The following L3MBTL4 variants were observed in gnomAD, a reference collection of about 807,000 sequenced individuals.
L3MBTL4 encodes L3MBTL histone methyl-lysine binding protein 4.
L3MBTL4 carries 70 observed loss-of-function variants against 84.5 expected under a neutral mutation model. The observed-to-expected ratio is 0.83, with a 90% confidence interval of 0.68 to 1.01. The LOEUF (loss-of-function observed/expected upper bound fraction) is 1.01. Ranked by LOEUF, L3MBTL4 falls within the 50% of genes least tolerant of loss-of-function variation. L3MBTL4 has a pLI of 0.00. For synonymous variants in L3MBTL4, 274 were observed against 259.8 expected (o/e 1.05, Z -0.52); for missense variants, 715 against 754.8 (o/e 0.95, Z 0.62).
At chr18:5,974,971 GTTTT>G (rs750189384) in intron 16 of L3MBTL4, among the ~76,000 whole-genome samples, 5 of 142,224 alleles carry the variant, frequency 3.5e-5, no homozygotes, top group African/African-American at 1.3e-4. Flanking sequence ...CTATTGTTTT[GTTTT>G]TTTTTTTTAA....
intron 16 of L3MBTL4, among the ~76,000 whole-genome samples, chr18:5,989,050 G>C (rs2053577911): frequency 6.6e-6 from 1 of 152,190 alleles, no homozygotes; most frequent in Non-Finnish European, 1.5e-5. Flanking sequence ...TATGAGGCCA[G>C]TATGGAGACA....
At chr18:6,151,691 A>G (rs1308822633) in intron 13 of L3MBTL4, among the ~76,000 whole-genome samples, 1 of 152,142 alleles carries the variant, frequency 6.6e-6, no homozygotes, top group African/African-American at 2.4e-5. Context: ...CACCGTGCCC[A>G]GACTAATTTT....
intron 10 of L3MBTL4, among the ~76,000 whole-genome samples, chr18:6,235,477 C>A (rs1001621457): frequency 1.3e-5 from 2 of 152,024 alleles, no homozygotes; most frequent in African/African-American, 4.8e-5. Flanking sequence ...TATGTACATA[C>A]AATGGAATGT....
chr18:6,131,172 T>C (rs1196521202), intron 14 of L3MBTL4, among the ~76,000 whole-genome samples: 2 of 152,172 alleles, frequency 1.3e-5, no homozygotes, highest in Non-Finnish European at 2.9e-5. Flanking sequence ...GGCTTCAATA[T>C]CAGAATCAGA....
chr18:6,142,973 T>C (rs1004796040), intron 13 of L3MBTL4, among the ~76,000 whole-genome samples: 6 of 152,074 alleles, frequency 3.9e-5, no homozygotes, highest in Non-Finnish European at 8.8e-5. Flanking sequence ...AAGAAACATA[T>C]AGTATATAAA....
At position 6,259,072 on chromosome 18, in the gene L3MBTL4, G is replaced by A. The variant is rs138977726; in HGVS notation, c.219+4875C>T. ...GGGGCACCCAGGAGGCAGAGTGCCC[G>A]GGGGGAAGCAGGTGTGCACCTGGCC... On this transcript the variant is annotated intron_variant, in intron 5 of 18. Transcript: ENST00000317931. 6.8e-3 allele frequency: 1,034 copies of A among 152,342 alleles called. 8 individuals carry two copies. Among genetic ancestry groups the A allele is most frequent in the Non-Finnish European group, 8.9e-3 (605 of 68,104 alleles). 9.4% of individuals were successfully genotyped at this position (152,342 alleles called of 1,614,324 possible).
At chr18:5,971,769 T>A (rs1387905711) in intron 16 of L3MBTL4, among the ~76,000 whole-genome samples, 1 of 152,150 alleles carries the variant, frequency 6.6e-6, no homozygotes, top group Non-Finnish European at 1.5e-5. Context: ...GGCTGAACAG[T>A]CCAGGGGCTC....
chr18:6,045,269 C>T (rs1340635576), intron 16 of L3MBTL4, among the ~76,000 whole-genome samples: 7 of 152,166 alleles, frequency 4.6e-5, no homozygotes, highest in South Asian at 2.1e-4. Flanking sequence ...CCAAGAATTT[C>T]GTATCTCACC....
chr18:6,323,066 G>A (rs1344407970), intron 1 of L3MBTL4, among the ~76,000 whole-genome samples: 1 of 152,164 alleles, frequency 6.6e-6, no homozygotes, highest in Non-Finnish European at 1.5e-5. Context: ...AGCTATGTAA[G>A]TAATGCCTGC....
Position 5,956,222 on chromosome 18 carries a change from AT to A in L3MBTL4, c.1842del (p.Ter615GlufsTer5). 1 of 1,611,764 alleles carries A rather than the reference AT, an allele frequency of 6.2e-7. No homozygotes were observed. Among genetic ancestry groups the A allele is most frequent in the South Asian group, 1.1e-5 (1 of 90,628 alleles). ...CAGAGGAAGTTCAGGGAGCCCATTC[AT>A]CCCCTGACTTCTTGGCCTGAGGCAA... ...EDIASGQEVR[G>X] On this transcript the variant is annotated frameshift_variant, in exon 19 of 19. Coordinates refer to ENST00000317931, the MANE Select transcript of L3MBTL4 (RefSeq NM_001330559.2). LOFTEE classifies it high-confidence loss of function.
intron 13 of L3MBTL4, among the ~76,000 whole-genome samples, chr18:6,146,296 A>G (rs1051819506): frequency 6.6e-6 from 1 of 152,160 alleles, no homozygotes; most frequent in Non-Finnish European, 1.5e-5. Context: ...CCACACCGCT[A>G]TTTACAGCTG....
intron 10 of L3MBTL4, among the ~76,000 whole-genome samples, chr18:6,236,947 G>T (rs960614709): frequency 6.6e-6 from 1 of 152,192 alleles, no homozygotes; most frequent in Non-Finnish European, 1.5e-5. Flanking sequence ...TTCCATTCTG[G>T]AATGGCACAT....
intron 2 of L3MBTL4, 37 bp downstream of exon 2, chr18:6,311,961 A>G: frequency 4.1e-6 from 1 of 244,286 alleles, no homozygotes; most frequent in Non-Finnish European, 8.1e-6. Flanking sequence ...ACCAATTAGG[A>G]TTCACTGCAA....
intron 16 of L3MBTL4, among the ~76,000 whole-genome samples, chr18:5,991,980 T>C (rs1314412498): frequency 7.4e-6 from 1 of 134,548 alleles, no homozygotes; most frequent in African/African-American, 2.8e-5. Context: ...AGTACATCCA[T>C]CCAGTGCATC....
intron 14 of L3MBTL4, among the ~76,000 whole-genome samples, chr18:6,136,969 C>T (rs1215095471): frequency 6.6e-6 from 1 of 152,094 alleles, no homozygotes; most frequent in African/African-American, 2.4e-5. Flanking sequence ...CTCAAGTTGC[C>T]CTCCTGGCCT....
intron 1 of L3MBTL4, among the ~76,000 whole-genome samples, chr18:6,361,510 G>C (rs2053693902): frequency 6.6e-6 from 1 of 152,154 alleles, no homozygotes; most frequent in Admixed American, 6.5e-5. Context: ...CAAGGAATCT[G>C]TAATAGGAAC....
intron 16 of L3MBTL4, among the ~76,000 whole-genome samples, chr18:6,010,857 T>A (rs912106897): frequency 6.6e-6 from 1 of 152,190 alleles, no homozygotes; most frequent in African/African-American, 2.4e-5. Flanking sequence ...TTTAATAAAA[T>A]ATCAGTATGA....
At chr18:5,996,679 A>G (rs2053987392) in intron 16 of L3MBTL4, among the ~76,000 whole-genome samples, 1 of 152,188 alleles carries the variant, frequency 6.6e-6, no homozygotes, top group Non-Finnish European at 1.5e-5. Context: ...TGAAGTATGT[A>G]GAAGATGCCA....
intron 16 of L3MBTL4, among the ~76,000 whole-genome samples, chr18:6,063,299 CTGTGTGTG>C (rs61413638): frequency 2.2e-4 from 31 of 141,142 alleles, no homozygotes; most frequent in African/African-American, 3.2e-4. Context: ...CTATAAATAT[CTGTGTGTG>C]TGTGTGTGTG....
Sources: gnomAD v4.1 joint callset for allele counts (sites outside exome capture counted in the v4.1 genomes callset) on GRCh38, gnomAD v4.1.1 for gene constraint, MANE v1.5 for transcripts, NCBI Gene and HGNC (gene_info 2026-07-23, HGNC 2026-07-21) for gene names.